PXDNL: variants seen among roughly 807,000 people sequenced by gnomAD.
PXDNL encodes the protein probable oxidoreductase PXDNL.
PXDNL carries 145 observed loss-of-function variants against 150.8 expected under a neutral mutation model. The ratio of observed to expected loss-of-function variants is 0.96; its 90% CI spans 0.84 to 1.10. PXDNL has a LOEUF of 1.10. PXDNL is among the 50% of genes least tolerant of loss of function. The pLI is 0.00. For synonymous variants in PXDNL, 757 were observed against 725.7 expected, an observed-to-expected ratio of 1.04 and a Z score of -0.69; for missense variants, 2,087 against 1,873.9, an observed-to-expected ratio of 1.11 and a Z score of -2.10.
intron 2 of PXDNL, among the ~76,000 whole-genome samples, chr8:51,605,213 T>C (rs967963606): frequency 5.5e-4 from 83 of 152,240 alleles, no homozygotes; most frequent in African/African-American, 1.9e-3. Context: ...TTTTCTCTCA[T>C]ATGGACATAT....
chr8:51,408,311 A>G lies in PXDNL; in HGVS notation c.3313T>C (p.Phe1105Leu), dbSNP rs1808496160. 6.2e-7 allele frequency: 1 copy of G among 1,613,984 alleles called. No homozygotes were observed. Among genetic ancestry groups the G allele is most frequent in the East Asian group, 2.2e-5 (1 of 44,874 alleles). Residue 1105 changes from phenylalanine to leucine, a missense_variant, in exon 17 of 23, where the codon TTT becomes CTT. Transcript: ENST00000356297. Reference protein sequence around the residue: ...GGIDPVLRGLFGVAAKWRAPS... With the variant: ...GGIDPVLRGLLGVAAKWRAPS... The stretch of plus-strand genomic sequence containing the variant: ...GCCCGCCATTTAGCAGCCACGCCAA[A>G]CAGCCCCCGGAGAACCGGGTCTATC...
chr8:51,767,855 C>G (rs1202310663), intron 1 of PXDNL, among the ~76,000 whole-genome samples: 1 of 152,198 alleles, frequency 6.6e-6, no homozygotes. Context: ...TGTTTTCAAC[C>G]AAAGCCCTGA....
At chr8:51,413,970 CATTTT>C (rs763369107) in intron 14 of PXDNL, among the ~76,000 whole-genome samples, 59 of 152,100 alleles carry the variant, frequency 3.9e-4, no homozygotes, top group East Asian at 1.7e-3. Flanking sequence ...AGTACAGTAA[CATTTT>C]ATGTGACACA....
At chr8:51,511,837 A>G (rs1269046396) in intron 4 of PXDNL, among the ~76,000 whole-genome samples, 1 of 152,198 alleles carries the variant, frequency 6.6e-6, no homozygotes, top group African/African-American at 2.4e-5. Context: ...AAGAAATGTG[A>G]GAAAAACACA....
At chr8:51,604,246 A>T (rs1231011875) in intron 2 of PXDNL, among the ~76,000 whole-genome samples, 1 of 152,180 alleles carries the variant, frequency 6.6e-6, no homozygotes, top group Admixed American at 6.5e-5. Context: ...CTTGGAACCA[A>T]CCCAAATGTC....
At chr8:51,668,005 C>G (rs530542420) in intron 1 of PXDNL, among the ~76,000 whole-genome samples, 5 of 151,990 alleles carry the variant, frequency 3.3e-5, no homozygotes, top group African/African-American at 4.8e-5. Flanking sequence ...TGAGGAGGCA[C>G]CGGACTCACA....
At chr8:51,634,274 A>G (rs1814554581) in intron 2 of PXDNL, among the ~76,000 whole-genome samples, 2 of 152,086 alleles carry the variant, frequency 1.3e-5, no homozygotes, top group South Asian at 4.1e-4. Flanking sequence ...GGCTTTTTCA[A>G]AGATCAGTTG....
At chr8:51,350,631 A>G (rs547832685) in intron 19 of PXDNL, among the ~76,000 whole-genome samples, 4 of 152,072 alleles carry the variant, frequency 2.6e-5, no homozygotes, top group Admixed American at 6.5e-5. Flanking sequence ...CTGGGATTAC[A>G]GGTGTGAGCC....
In PXDNL at chr8:51,644,377, T is replaced by TAC. The variant is rs768658260; in HGVS notation, c.236+10310_236+10311dup. Among the ~76,000 whole-genome samples the TAC allele has an allele frequency of 3.6e-4, 29 of 79,478 alleles. 1 individual carries two copies. The East Asian group carries it at 5.3e-3, about 15-fold the overall frequency. 52.1% of individuals were successfully genotyped at this position (79,478 alleles called of 152,430 possible). On this transcript the variant is annotated intron_variant, in intron 2 of 22. Coordinates refer to ENST00000356297, the MANE Select transcript of PXDNL (RefSeq NM_144651.5). The stretch of plus-strand genomic sequence containing the variant: ...ACACACACACACATATGTATATATA[T>TAC]ACACACACATATGTGTATATATATA...
chr8:51,414,751 G>A (rs1808749059), intron 14 of PXDNL, among the ~76,000 whole-genome samples: 1 of 152,142 alleles, frequency 6.6e-6, no homozygotes, highest in African/African-American at 2.4e-5. Flanking sequence ...CTCAAACTCT[G>A]AGGCAGAAAT....
intron 12 of PXDNL, among the ~76,000 whole-genome samples, chr8:51,430,757 C>G (rs976806395): frequency 6.6e-6 from 1 of 152,158 alleles, no homozygotes; most frequent in African/African-American, 2.4e-5. Context: ...TTCCAAAATG[C>G]TAAACTCCTT....
At position 51,616,971 on chromosome 8, in the gene PXDNL, A is replaced by G. The variant is rs530837657; in HGVS notation, c.237-24273T>C. ...TAATTGTTTTTTATTGTTTTCTTTTAAATATTTCTATCTGTGGTTGGTTGA... is the reference window on the plus strand; with the variant it reads ...TAATTGTTTTTTATTGTTTTCTTTTGAATATTTCTATCTGTGGTTGGTTGA... On this transcript the variant is annotated intron_variant, in intron 2 of 22. Coordinates refer to ENST00000356297, the MANE Select transcript of PXDNL (RefSeq NM_144651.5). Among the ~76,000 whole-genome samples, 6 of 152,164 alleles carry G rather than the reference A, an allele frequency of 3.9e-5. No individual in the cohort carries two copies. The East Asian group carries it at 9.6e-4, about 24-fold the overall frequency.
At chr8:51,392,183 G>A (rs1261990593) in intron 17 of PXDNL, among the ~76,000 whole-genome samples, 1 of 152,168 alleles carries the variant, frequency 6.6e-6, no homozygotes, top group East Asian at 1.9e-4. Context: ...GATGCCTCCA[G>A]CTTTGTTCTT....
At chr8:51,444,591 A>G (rs1355375303) in intron 12 of PXDNL, among the ~76,000 whole-genome samples, 1 of 152,238 alleles carries the variant, frequency 6.6e-6, no homozygotes, top group African/African-American at 2.4e-5. Context: ...GTCATAGCAC[A>G]TGAAATTCAT....
chr8:51,611,321 T>C (rs1377290718), intron 2 of PXDNL, among the ~76,000 whole-genome samples: 1 of 152,228 alleles, frequency 6.6e-6, no homozygotes, highest in Admixed American at 6.5e-5. Context: ...GCATAGCAGT[T>C]ACTTCGATCA....
chr8:51,737,124 G>C (rs1382841108), intron 1 of PXDNL, among the ~76,000 whole-genome samples: 1 of 152,092 alleles, frequency 6.6e-6, no homozygotes, highest in African/African-American at 2.4e-5. Context: ...TGAATTTCCA[G>C]CTGCCCAAAG....
chr8:51,740,537 G>A (rs541024241), intron 1 of PXDNL, among the ~76,000 whole-genome samples: 13 of 152,318 alleles, frequency 8.5e-5, no homozygotes, highest in African/African-American at 3.1e-4. Context: ...ACTGGCATGA[G>A]ATGGTATCTC....
intron 17 of PXDNL, among the ~76,000 whole-genome samples, chr8:51,407,125 C>G (rs1475208586): frequency 6.6e-6 from 1 of 152,136 alleles, no homozygotes; most frequent in East Asian, 1.9e-4. Flanking sequence ...GAGATTTAAA[C>G]CAGGTCTTCG....
Position 51,374,616 on chromosome 8 carries a change from G to T in PXDNL, c.3673C>A (p.Arg1225=). Residue 1225 remains arginine, a synonymous_variant, in exon 18 of 23, where the codon CGG becomes AGG. Transcript: ENST00000356297. The part of the protein sequence containing the change: ...LMCLFVTQFQ[R]LRDGDRFWYE... ...ATTCACCTATCTCCATCTCTTAGCC[G>T]CTGAAACTGGGTAACAAACAGGCAC... 6.2e-7 allele frequency: 1 copy of T among 1,613,702 alleles called. No individual in the cohort carries two copies. Among genetic ancestry groups the T allele is most frequent in the South Asian group, 1.1e-5 (1 of 91,056 alleles).
Sources: gnomAD v4.1 joint callset for allele counts (sites outside exome capture counted in the v4.1 genomes callset) on GRCh38, gnomAD v4.1.1 for gene constraint, MANE v1.5 for transcripts, NCBI Gene and HGNC (gene_info 2026-07-23, HGNC 2026-07-21) for gene names.